Variants in IMMP2L observed in about 807,000 individuals in gnomAD.
IMMP2L encodes the protein mitochondrial inner membrane protease subunit 2.
In IMMP2L, 18 loss-of-function variants were observed where a neutral mutation model predicts 19.3. That is an observed-to-expected ratio of 0.93 (90% CI 0.64 to 1.38). The LOEUF is 1.38. Ranked by LOEUF, IMMP2L falls within the 40% of genes most tolerant of loss-of-function variation. IMMP2L has a pLI of 0.00. For missense variants in IMMP2L, 233 were observed against 218.2 expected, an observed-to-expected ratio of 1.07 and a Z score of -0.43; for synonymous variants, 76 against 73.0, an observed-to-expected ratio of 1.04 and a Z score of -0.21.
At chr7:111,037,231 T>C (rs1791439772) in intron 3 of IMMP2L, among the ~76,000 whole-genome samples, 2 of 152,194 alleles carry the variant, frequency 1.3e-5, no homozygotes, top group African/African-American at 4.8e-5. Context: ...TATGGAACAT[T>C]AATCTTAAGA....
chr7:111,075,321 T>A (rs1212301012), intron 3 of IMMP2L, among the ~76,000 whole-genome samples: 9 of 151,974 alleles, frequency 5.9e-5, no homozygotes, highest in Middle Eastern at 3.4e-3. Context: ...AGAGATGGGG[T>A]TTCACCATGT....
intron 4 of IMMP2L, 122 bp downstream of exon 4, chr7:110,963,378 C>G: frequency 1.5e-6 from 1 of 652,424 alleles, no homozygotes; most frequent in Non-Finnish European, 2.6e-6. Context: ...GATGTACCAG[C>G]TCATTTGGAA....
intron 3 of IMMP2L, among the ~76,000 whole-genome samples, chr7:111,222,741 A>C (rs1010002721): frequency 6.6e-6 from 1 of 152,088 alleles, no homozygotes; most frequent in Non-Finnish European, 1.5e-5. Flanking sequence ...TGTATAAAAT[A>C]GCAAAACTAC....
chr7:111,084,338 G>T (rs901311144), intron 3 of IMMP2L, among the ~76,000 whole-genome samples: 1 of 150,222 alleles, frequency 6.7e-6, no homozygotes, highest in Admixed American at 6.7e-5. Context: ...AAAGAAGAAA[G>T]CCAGTTTAGG....
chr7:111,111,942 G>GTTTTTTTTTTTT (rs748410980), intron 3 of IMMP2L, among the ~76,000 whole-genome samples: 1 of 84,110 alleles, frequency 1.2e-5, no homozygotes, highest in Non-Finnish European at 2.2e-5. Context: ...TATATAGTTT[G>GTTTTTTTTTTTT]TTTTTTTTTT....
At chr7:110,866,208 T>C (rs1807963110) in intron 5 of IMMP2L, among the ~76,000 whole-genome samples, 1 of 151,882 alleles carries the variant, frequency 6.6e-6, no homozygotes, top group Non-Finnish European at 1.5e-5. Flanking sequence ...AAATTTCTAA[T>C]TGGGGTGAAG....
At chr7:111,375,978 T>C (rs942642228) in intron 3 of IMMP2L, among the ~76,000 whole-genome samples, 15 of 152,132 alleles carry the variant, frequency 9.9e-5, no homozygotes, top group African/African-American at 3.4e-4. Flanking sequence ...AGACATGTTA[T>C]AGTACCATTT....
chr7:111,041,530 T>C (rs993599845), intron 3 of IMMP2L, among the ~76,000 whole-genome samples: 1 of 151,544 alleles, frequency 6.6e-6, no homozygotes, highest in East Asian at 1.9e-4. Context: ...CTCTTTTTGA[T>C]ATTCTGTCTT....
At chr7:111,309,530 A>C (rs1823270547) in intron 3 of IMMP2L, among the ~76,000 whole-genome samples, 1 of 152,152 alleles carries the variant, frequency 6.6e-6, no homozygotes, top group Admixed American at 6.6e-5. Flanking sequence ...ATACTTTTTC[A>C]CATAGATTCA....
intron 3 of IMMP2L, among the ~76,000 whole-genome samples, chr7:111,301,298 T>C (rs1822211016): frequency 6.6e-6 from 1 of 152,094 alleles, no homozygotes; most frequent in African/African-American, 2.4e-5. Context: ...GAATTGTTTA[T>C]TTTTTGCAGT....
intron 1 of IMMP2L, among the ~76,000 whole-genome samples, chr7:111,530,505 C>T (rs1274526217): frequency 5.3e-5 from 8 of 151,982 alleles, no homozygotes; most frequent in African/African-American, 1.5e-4. Context: ...CTGATATTAA[C>T]CAGTTAACAA....
At chr7:111,300,683 T>A (rs924339816) in intron 3 of IMMP2L, among the ~76,000 whole-genome samples, 18 of 152,130 alleles carry the variant, frequency 1.2e-4, no homozygotes, top group Non-Finnish European at 2.2e-4. Context: ...ATGTCAAGAA[T>A]CTTATATAAA....
intron 3 of IMMP2L, among the ~76,000 whole-genome samples, chr7:111,368,207 G>C (rs1440282845): frequency 6.6e-6 from 1 of 151,704 alleles, no homozygotes. Context: ...GTCATTTTAC[G>C]GCAGCCCAGC....
chr7:110,904,012 G>T (rs968975771), intron 4 of IMMP2L, among the ~76,000 whole-genome samples: 3 of 151,772 alleles, frequency 2.0e-5, no homozygotes, highest in Admixed American at 2.0e-4. Context: ...GGTTTGCCAT[G>T]TGTATGTCTA....
intron 3 of IMMP2L, chr7:111,411,269 C>A: frequency 5.1e-6 from 1 of 196,890 alleles, no homozygotes; most frequent in South Asian, 7.9e-5. Context: ...AAAAATCATA[C>A]AGCCAGATCA....
intron 5 of IMMP2L, among the ~76,000 whole-genome samples, chr7:110,753,027 T>C (rs1562956290): frequency 6.6e-6 from 1 of 152,078 alleles, no homozygotes; most frequent in Non-Finnish European, 1.5e-5. Context: ...TGAAGTTGCT[T>C]TAACTTATAA....
At chr7:111,242,993 A>G (rs957200895) in intron 3 of IMMP2L, among the ~76,000 whole-genome samples, 22 of 152,246 alleles carry the variant, frequency 1.4e-4, no homozygotes, top group African/African-American at 4.8e-4. Flanking sequence ...GGAGATCTTA[A>G]AATATTTTTT....
intron 3 of IMMP2L, among the ~76,000 whole-genome samples, chr7:111,270,495 G>A (rs1584379122): frequency 6.6e-6 from 1 of 152,000 alleles, no homozygotes; most frequent in African/African-American, 2.4e-5. Context: ...TAGTCCATCA[G>A]TTATCTTATA....
chr7:110,909,504 C>T (rs533402736), intron 4 of IMMP2L, among the ~76,000 whole-genome samples: 2 of 152,226 alleles, frequency 1.3e-5, no homozygotes, highest in East Asian at 3.9e-4. Context: ...AGTGAAAGCA[C>T]GAGAACGGTG....
Sources: gnomAD v4.1 joint callset for allele counts (sites outside exome capture counted in the v4.1 genomes callset) on GRCh38, gnomAD v4.1.1 for gene constraint, MANE v1.5 for transcripts, NCBI Gene and HGNC (gene_info 2026-07-23, HGNC 2026-07-21) for gene names.